The following TAF7L variants were observed in gnomAD, a reference collection of about 807,000 sequenced individuals.
The protein encoded by TAF7L is TATA-box binding protein associated factor 7 like.
In TAF7L, 6 loss-of-function variants were observed where a neutral mutation model predicts 30.2. The observed-to-expected ratio is 0.20, with a 90% CI of 0.11 to 0.39. The LOEUF is 0.39. Ranked by LOEUF, TAF7L falls within the 10% of genes least tolerant of loss-of-function variation. TAF7L has a pLI of 1.00. For missense variants in TAF7L, 284 were observed against 277.1 expected, an observed-to-expected ratio of 1.03 and a Z score of -0.18; for synonymous variants, 93 against 94.5, an observed-to-expected ratio of 0.98 and a Z score of 0.09.
At chrX:101,269,680 A>C (rs1923905283) in intron 12 of TAF7L, among the ~76,000 whole-genome samples, 1 of 110,999 alleles carries the variant, frequency 9.0e-6, no homozygotes, top group African/African-American at 3.3e-5. Flanking sequence ...AGATCTCGTG[A>C]GACTTATTCA....
Position 101,269,199 on chromosome X carries a change from C to A in TAF7L, c.1125G>T (p.Lys375Asn). The change falls in exon 13 of 13, where the codon AAG (lysine) becomes AAT (asparagine). Residue 375 changes from lysine (K) to asparagine (N), a missense_variant. Physicochemically the swap from Lys to Asn is moderately conservative, Grantham distance 94 (BLOSUM62 0). Coordinates refer to ENST00000356784, the MANE Select transcript of TAF7L (RefSeq NM_001168474.2). ...GCCACGCCAATGGCTCTCCTCACTT[C>A]TTCAGAAAACGCTGCAACTGTTCCT... is the stretch of plus-strand genomic sequence containing the variant. ...SLQEQLQRFL[K>N]K 3 of 1,209,410 alleles carry A rather than the reference C, an allele frequency of 2.5e-6. No individual in the cohort carries two copies. In the South Asian group the frequency reaches 5.3e-5, roughly 21 times the overall value.
chrX:101,290,518 T>C (rs1924758861), intron 1 of TAF7L, among the ~76,000 whole-genome samples: 1 of 112,004 alleles, frequency 8.9e-6, no homozygotes, highest in Admixed American at 9.5e-5. Context: ...TAGTAACTTT[T>C]AGATTTCTCA....
chrX:101,287,471 T>C lies in TAF7L; in HGVS notation c.66+7A>G. On this transcript the variant is annotated splice_region_variant and intron_variant, in intron 2 of 12. Coordinates refer to ENST00000356784, the MANE Select transcript of TAF7L (RefSeq NM_001168474.2). ...GAAGATATTTGTTCTGAGATACAAG[T>C]TCTTACCAGAGGCAGACGCAATATA... 1 of 1,181,755 alleles carries C rather than the reference T, an allele frequency of 8.5e-7. No individual in the cohort carries two copies. Among genetic ancestry groups the C allele is most frequent in the South Asian group, 1.8e-5 (1 of 54,951 alleles).
intron 3 of TAF7L, among the ~76,000 whole-genome samples, chrX:101,285,600 C>CTT (rs141431193): frequency 1.1e-5 from 1 of 91,268 alleles, no homozygotes; most frequent in East Asian, 3.7e-4. Flanking sequence ...TGTTATTGTT[C>CTT]TTTTTTTTTT....
intron 6 of TAF7L, among the ~76,000 whole-genome samples, chrX:101,280,394 G>A (rs1275493712): frequency 1.8e-4 from 20 of 111,952 alleles, no homozygotes; most frequent in Non-Finnish European, 2.3e-4. Context: ...GCTCAACCCC[G>A]TTAACCATCA....
Position 101,269,048 on chromosome X carries a change from G to T in TAF7L, c.*145C>A. The T allele has an allele frequency of 2.2e-6, 1 of 454,230 alleles. No individual in the cohort carries two copies. The highest frequency in any genetic ancestry group is 3.7e-6 in the Non-Finnish European group (1 of 269,121). 37.4% of individuals were successfully genotyped at this position (454,230 alleles called of 1,213,427 possible). A position where few individuals can be genotyped will look rare whatever the true frequency, so the allele number is the denominator to read the frequency against. ...TTTTCTACATGACTACAAACTGTGA[G>T]CATATTTTAAGTAGCAAAGAAGGTA... On this transcript the variant is annotated 3_prime_UTR_variant, in exon 13 of 13. Coordinates refer to ENST00000356784, the MANE Select transcript of TAF7L (RefSeq NM_001168474.2).
intron 1 of TAF7L, among the ~76,000 whole-genome samples, chrX:101,288,975 T>C (rs1924708483): frequency 9.0e-6 from 1 of 111,123 alleles, no homozygotes; most frequent in Non-Finnish European, 1.9e-5. Context: ...TTAATGTTAA[T>C]AAGTTGTGAT....
intron 9 of TAF7L, among the ~76,000 whole-genome samples, chrX:101,277,175 A>T (rs2147372316): frequency 1.0e-5 from 1 of 98,680 alleles, no homozygotes; most frequent in Admixed American, 1.1e-4. Flanking sequence ...AAAAAAAAAA[A>T]AGGCCAGGCA....
At chrX:101,285,313 T>C (rs1461317762) in intron 3 of TAF7L, among the ~76,000 whole-genome samples, 1 of 109,680 alleles carries the variant, frequency 9.1e-6, no homozygotes, top group Non-Finnish European at 1.9e-5. Context: ...CTGGTCAACA[T>C]GGTGAAACCC....
intron 3 of TAF7L, among the ~76,000 whole-genome samples, chrX:101,284,117 T>C (rs1481339805): frequency 2.7e-5 from 3 of 111,560 alleles, no homozygotes; most frequent in Non-Finnish European, 5.6e-5. Flanking sequence ...AAATGTCTTT[T>C]GACACAAGAG....
intron 1 of TAF7L, among the ~76,000 whole-genome samples, chrX:101,290,420 C>G (rs1924756077): frequency 9.0e-6 from 1 of 111,667 alleles, no homozygotes; most frequent in African/African-American, 3.3e-5. Context: ...TGAGCACATT[C>G]CCTAACAGAA....
In TAF7L at chrX:101,291,178, G is replaced by C. The variant is rs995674243; in HGVS notation, c.-3+46C>G. On this transcript the variant is annotated intron_variant, in intron 1 of 12. Coordinates refer to ENST00000356784, the MANE Select transcript of TAF7L (RefSeq NM_001168474.2). ...GCACCGCGGCGGGGTGCACACTGGC[G>C]GGGCGCTGACCCGGTCCCGGCCGCC... 3 of 633,624 alleles carry C rather than the reference G, an allele frequency of 4.7e-6. No homozygotes were observed. The African/African-American group carries it at 7.3e-5, about 15-fold the overall frequency. The allele number at this position is 633,624 out of a possible 1,213,427, so 52.2% of individuals were successfully genotyped here.
chrX:101,286,282 C>G (rs1451293684), intron 3 of TAF7L, among the ~76,000 whole-genome samples: 2 of 111,073 alleles, frequency 1.8e-5, no homozygotes, highest in Non-Finnish European at 3.8e-5. Flanking sequence ...CTTGGATGTT[C>G]AGAAATCATA....
chrX:101,268,984 G>A lies in TAF7L; in HGVS notation c.*209C>T, dbSNP rs572600688. 2 of 313,076 alleles carry A rather than the reference G, an allele frequency of 6.4e-6. No homozygotes were observed. The highest frequency in any genetic ancestry group is 1.1e-5 in the Non-Finnish European group (2 of 175,571). 25.8% of individuals were successfully genotyped at this position (313,076 alleles called of 1,213,427 possible). On this transcript the variant is annotated 3_prime_UTR_variant, in exon 13 of 13. Transcript: ENST00000356784. ...TTGACAAAGAGAAAGTCTCATGGTC[G>A]AGTGGGGTCTTTAAGTCTACTACAT...
At chrX:101,276,775 C>T (rs1161453616) in intron 9 of TAF7L, among the ~76,000 whole-genome samples, 2 of 110,055 alleles carry the variant, frequency 1.8e-5, no homozygotes, top group Non-Finnish European at 1.9e-5. Context: ...GTTAAAATAC[C>T]AGGGGTGGAT....
chrX:101,274,260 G>GTTGCA, intron 12 of TAF7L, among the ~76,000 whole-genome samples: 1 of 107,632 alleles, frequency 9.3e-6, no homozygotes, highest in African/African-American at 3.4e-5. Flanking sequence ...TGTTGCCCAA[G>GTTGCA]CTGGAGTGCA....
chrX:101,273,999 T>C (rs1924070085), intron 12 of TAF7L, among the ~76,000 whole-genome samples: 1 of 112,050 alleles, frequency 8.9e-6, no homozygotes, highest in African/African-American at 3.2e-5. Context: ...TGTAACTTTA[T>C]ATTTGTATAA....
At chrX:101,275,122 C>G in intron 12 of TAF7L, 100 bp downstream of exon 12, 1 of 653,050 alleles carries the variant, frequency 1.5e-6, no homozygotes, top group Non-Finnish European at 2.4e-6. Flanking sequence ...TTGGCTACCA[C>G]TATTCCTATG....
Position 101,276,534 on chromosome X carries a change from A to T in TAF7L, c.692-6T>A. ...CTCCCGAAGCATATCATATTCTACT[A>T]GTTTTAAGCAAGAAGAAGGTGAACT... On this transcript the variant is annotated splice_polypyrimidine_tract_variant and splice_region_variant and intron_variant, in intron 9 of 12. Transcript: ENST00000356784. 1 of 1,208,959 alleles carries T rather than the reference A, an allele frequency of 8.3e-7. No individual in the cohort carries two copies. Among genetic ancestry groups the T allele is most frequent in the Middle Eastern group, 2.4e-4 (1 of 4,232 alleles).
Sources: gnomAD v4.1 joint callset for allele counts (sites outside exome capture counted in the v4.1 genomes callset) on GRCh38, gnomAD v4.1.1 for gene constraint, MANE v1.5 for transcripts, NCBI Gene and HGNC (gene_info 2026-07-23, HGNC 2026-07-21) for gene names.